GPC5: variants seen among roughly 807,000 people sequenced by gnomAD.
GPC5 encodes glypican-5.
A neutral mutation model predicts 53.9 loss-of-function variants in GPC5; 47 were observed. The observed-to-expected ratio is 0.87, with a 90% CI of 0.69 to 1.11. The LOEUF is 1.11. Among genes scored for constraint, GPC5 ranks in the 50% most tolerant of loss-of-function variants. GPC5 has a pLI of 0.00. For missense variants in GPC5, 748 were observed against 713.1 expected (o/e 1.05, Z -0.56); for synonymous variants, 286 against 263.3 (o/e 1.09, Z -0.84).
intron 2 of GPC5, among the ~76,000 whole-genome samples, chr13:91,501,496 T>G (rs1464737628): frequency 6.6e-6 from 1 of 152,034 alleles, no homozygotes; most frequent in African/African-American, 2.4e-5. Context: ...ACATGTGGTG[T>G]TTGGTTTTTT....
At chr13:92,563,599 G>GA (rs1215348866) in intron 7 of GPC5, among the ~76,000 whole-genome samples, 2 of 151,894 alleles carry the variant, frequency 1.3e-5, no homozygotes, top group Non-Finnish European at 2.9e-5. Flanking sequence ...AACAAATATA[G>GA]AAAAAACTAA....
intron 7 of GPC5, among the ~76,000 whole-genome samples, chr13:92,770,865 C>T (rs1317650821): frequency 1.3e-5 from 2 of 152,120 alleles, no homozygotes; most frequent in Non-Finnish European, 2.9e-5. Context: ...CTAATGCCTG[C>T]GAGGTGTGGA....
intron 7 of GPC5, among the ~76,000 whole-genome samples, chr13:92,576,587 A>G (rs1158020719): frequency 4.4e-4 from 67 of 152,312 alleles, no homozygotes; most frequent in African/African-American, 1.6e-3. Context: ...TTAAAAATGA[A>G]TAACCCTGTA....
At chr13:91,707,162 A>T (rs1306306623) in intron 3 of GPC5, among the ~76,000 whole-genome samples, 2 of 152,112 alleles carry the variant, frequency 1.3e-5, no homozygotes, top group Non-Finnish European at 2.9e-5. Context: ...TCAATTAAAA[A>T]TTAACCCAGC....
At chr13:91,950,727 A>G (rs1372341149) in intron 6 of GPC5, among the ~76,000 whole-genome samples, 1 of 152,198 alleles carries the variant, frequency 6.6e-6, no homozygotes, top group Non-Finnish European at 1.5e-5. Context: ...ATGCTAGTGA[A>G]TGTTTTTAGT....
chr13:91,434,204 A>C (rs1382210485), intron 1 of GPC5, among the ~76,000 whole-genome samples: 3 of 152,168 alleles, frequency 2.0e-5, no homozygotes, highest in Non-Finnish European at 4.4e-5. Flanking sequence ...TCTTTAGTTT[A>C]ATTAGATCCC....
At position 91,442,746 on chromosome 13, in the gene GPC5, GGGACTATA is replaced by G. The variant is rs548609973; in HGVS notation, c.164-6011_164-6004del. 3.0e-3 allele frequency among the ~76,000 whole-genome samples: 458 copies of G among 152,320 alleles called. 16 individuals carry two copies. The South Asian group carries it at 0.079, about 26-fold the overall frequency. ...GCAAGACGTTAGTTGGTATTTGGCAGGGACTATAGGAGGCACTTAAGGTCTGGTTGTCT... is the reference window on the plus strand; with the variant it reads ...GCAAGACGTTAGTTGGTATTTGGCAGGGAGGCACTTAAGGTCTGGTTGTCT... On this transcript the variant is annotated intron_variant, in intron 1 of 7. Transcript: ENST00000377067.
At chr13:92,773,787 G>A (rs1420473739) in intron 7 of GPC5, among the ~76,000 whole-genome samples, 2 of 152,084 alleles carry the variant, frequency 1.3e-5, no homozygotes, top group Admixed American at 6.6e-5. Context: ...TATTCCTAAA[G>A]CTTTTGTATT....
At chr13:91,727,335 A>G (rs945164657) in intron 3 of GPC5, among the ~76,000 whole-genome samples, 1 of 151,758 alleles carries the variant, frequency 6.6e-6, no homozygotes, top group Non-Finnish European at 1.5e-5. Flanking sequence ...TTCACCCACC[A>G]CCCCCACTGG....
Position 92,678,074 on chromosome 13 carries a change from C to T in GPC5, c.1562-188208C>T, listed in dbSNP as rs1261462472. On this transcript the variant is annotated intron_variant, in intron 7 of 7. Transcript: ENST00000377067. ...AATGTGTTTAGAGGATAAGAGTTTT[C>T]CCCTCGAAAAATTCTTGACCGTAAT... Among the ~76,000 whole-genome samples, 6 of 152,080 alleles carry T rather than the reference C, an allele frequency of 3.9e-5. No individual in the cohort carries two copies. The South Asian group carries it at 8.3e-4, about 21-fold the overall frequency.
At chr13:92,711,691 T>C (rs912086198) in intron 7 of GPC5, among the ~76,000 whole-genome samples, 4 of 151,944 alleles carry the variant, frequency 2.6e-5, no homozygotes, top group African/African-American at 9.7e-5. Flanking sequence ...TCTTTGACCA[T>C]AAAAAACATC....
intron 7 of GPC5, among the ~76,000 whole-genome samples, chr13:92,467,111 T>G (rs9589547): frequency 0.025 from 3,846 of 152,214 alleles, 148 homozygotes; most frequent in African/African-American, 0.088. Context: ...ATCGGATATG[T>G]GAGCAAGCCT....
chr13:92,415,948 G>C (rs562975056), intron 7 of GPC5, among the ~76,000 whole-genome samples: 1 of 152,148 alleles, frequency 6.6e-6, no homozygotes, highest in Non-Finnish European at 1.5e-5. Context: ...ACATATTTAA[G>C]CATAAATTAC....
Position 92,393,443 on chromosome 13 carries a change from A to C in GPC5, c.1561+248454A>C, listed in dbSNP as rs567199512. On this transcript the variant is annotated intron_variant, in intron 7 of 7. Coordinates refer to ENST00000377067, the MANE Select transcript of GPC5 (RefSeq NM_004466.6). ...GGTGGGCAGACCACCTGAGGACAGG[A>C]GTTCAAGACCAGCCTGGCCAACATG... Among the ~76,000 whole-genome samples the C allele has an allele frequency of 5.9e-5, 9 of 152,318 alleles. No homozygotes were observed. In the South Asian group the frequency reaches 1.9e-3, roughly 32 times the overall value.
intron 6 of GPC5, among the ~76,000 whole-genome samples, chr13:92,132,066 T>A (rs1468325144): frequency 6.6e-6 from 1 of 152,082 alleles, no homozygotes; most frequent in Non-Finnish European, 1.5e-5. Context: ...ATTGATATAA[T>A]AGAATAAAAT....
At chr13:92,186,161 C>A (rs1330982) in intron 7 of GPC5, among the ~76,000 whole-genome samples, 126,668 of 151,318 alleles carry the variant, frequency 0.84, 53,284 homozygotes, top group East Asian at 0.99. Flanking sequence ...GATCTTTTAA[C>A]AAAAGCATTC....
At chr13:91,663,520 T>C (rs917450301) in intron 2 of GPC5, among the ~76,000 whole-genome samples, 1 of 152,198 alleles carries the variant, frequency 6.6e-6, no homozygotes, top group Non-Finnish European at 1.5e-5. Flanking sequence ...TGCAGTGGCA[T>C]GTTCAAAGCT....
intron 5 of GPC5, among the ~76,000 whole-genome samples, chr13:91,837,823 G>C (rs1187310644): frequency 6.6e-6 from 1 of 152,112 alleles, no homozygotes; most frequent in Non-Finnish European, 1.5e-5. Context: ...TTGAAAGTCT[G>C]AATCTCAAGA....
At chr13:92,401,130 C>T (rs539604323) in intron 7 of GPC5, among the ~76,000 whole-genome samples, 1 of 151,878 alleles carries the variant, frequency 6.6e-6, no homozygotes, top group East Asian at 1.9e-4. Context: ...AATTTATACA[C>T]TGGCTACTAT....
Sources: gnomAD v4.1 joint callset for allele counts (sites outside exome capture counted in the v4.1 genomes callset) on GRCh38, gnomAD v4.1.1 for gene constraint, MANE v1.5 for transcripts, NCBI Gene and HGNC (gene_info 2026-07-23, HGNC 2026-07-21) for gene names.